KCNQ5: variants seen among roughly 807,000 people sequenced by gnomAD.
KCNQ5 encodes potassium voltage-gated channel subfamily KQT member 5.
Under a neutral mutation model 98.2 loss-of-function variants are expected in KCNQ5, and 30 were observed. The ratio of observed to expected loss-of-function variants is 0.31; its 90% CI spans 0.23 to 0.41. The LOEUF (loss-of-function observed/expected upper bound fraction) is 0.41. Ranked by LOEUF, KCNQ5 falls within the 10% of genes least tolerant of loss-of-function variation. KCNQ5 has a pLI of 1.00. For synonymous variants in KCNQ5, 458 were observed against 449.4 expected (o/e 1.02, Z -0.24); for missense variants, 835 against 1,182.5 (o/e 0.71, Z 4.31).
At chr6:73,073,294 TCTA>T (rs1403843211) in intron 3 of KCNQ5, among the ~76,000 whole-genome samples, 1 of 152,190 alleles carries the variant, frequency 6.6e-6, no homozygotes, top group Non-Finnish European at 1.5e-5. Context: ...TATAATATCA[TCTA>T]CTACATAGGT....
At chr6:73,097,357 C>T (rs1312458950) in intron 5 of KCNQ5, among the ~76,000 whole-genome samples, 3 of 151,762 alleles carry the variant, frequency 2.0e-5, no homozygotes, top group Non-Finnish European at 4.4e-5. Flanking sequence ...TGCAGATCAT[C>T]TCATGAGATG....
Position 73,192,698 on chromosome 6 carries a change from C to A in KCNQ5, c.1836+7C>A. Reference sequence around the variant, plus strand: ...GGTCAAGGTTGAAAAACAGGTACAACTCAACTACGCTGGGTATCTTTTTAG... The same window carrying A: ...GGTCAAGGTTGAAAAACAGGTACAAATCAACTACGCTGGGTATCTTTTTAG... On this transcript the variant is annotated splice_region_variant and intron_variant, in intron 13 of 13. Coordinates refer to ENST00000370398, the MANE Select transcript of KCNQ5 (RefSeq NM_019842.4). 1.3e-6 allele frequency: 2 copies of A among 1,571,268 alleles called. No homozygotes were observed. The highest frequency in any genetic ancestry group is 1.7e-6 in the Non-Finnish European group (2 of 1,160,152).
At chr6:72,853,001 A>G (rs1777348205) in intron 1 of KCNQ5, among the ~76,000 whole-genome samples, 1 of 152,116 alleles carries the variant, frequency 6.6e-6, no homozygotes, top group African/African-American at 2.4e-5. Flanking sequence ...ATACCATGGA[A>G]AATGGCAAAT....
intron 7 of KCNQ5, among the ~76,000 whole-genome samples, chr6:73,119,747 A>T (rs1175144067): frequency 6.6e-6 from 1 of 152,134 alleles, no homozygotes; most frequent in Non-Finnish European, 1.5e-5. Flanking sequence ...CTCCCTTATC[A>T]AATATTGATT....
At chr6:73,034,758 G>A (rs1391727704) in intron 2 of KCNQ5, among the ~76,000 whole-genome samples, 2 of 152,098 alleles carry the variant, frequency 1.3e-5, no homozygotes, top group East Asian at 3.9e-4. Flanking sequence ...TTAATGCCTG[G>A]AAAAGAGGGT....
intron 2 of KCNQ5, among the ~76,000 whole-genome samples, chr6:73,010,395 T>A (rs747523817): frequency 1.2e-3 from 186 of 152,090 alleles, no homozygotes; most frequent in Non-Finnish European, 9.1e-4. Context: ...ATGAAAAACC[T>A]ACAGCCAACA....
chr6:72,838,676 C>T (rs943375584), intron 1 of KCNQ5, among the ~76,000 whole-genome samples: 4 of 151,840 alleles, frequency 2.6e-5, no homozygotes, highest in African/African-American at 9.7e-5. Context: ...TGAGGCCGGG[C>T]GCGGTGGCTC....
rs533653995 is a variant in KCNQ5, at chr6:72,791,106, G to T, written c.398+168519G>T. Among the ~76,000 whole-genome samples, 3 of 152,282 alleles carry T rather than the reference G, an allele frequency of 2.0e-5. No homozygotes were observed. The South Asian group carries it at 6.2e-4, about 32-fold the overall frequency. ...AAAGTGGATGAGAATGGCTTCTTCCGTAGAGAAGCTGCGAGGCCTCTCGGG... is the reference window on the plus strand; with the variant it reads ...AAAGTGGATGAGAATGGCTTCTTCCTTAGAGAAGCTGCGAGGCCTCTCGGG... On this transcript the variant is annotated intron_variant, in intron 1 of 13. Transcript: ENST00000370398.
intron 1 of KCNQ5, among the ~76,000 whole-genome samples, chr6:72,859,138 A>G (rs762254236): frequency 1.4e-4 from 22 of 152,140 alleles, no homozygotes; most frequent in Non-Finnish European, 2.8e-4. Context: ...TCTTTCAAAA[A>G]CTCCAAGGCT....
At chr6:72,890,643 A>T (rs560843694) in intron 1 of KCNQ5, among the ~76,000 whole-genome samples, 3 of 152,206 alleles carry the variant, frequency 2.0e-5, no homozygotes, top group Non-Finnish European at 4.4e-5. Context: ...GATCAAAACC[A>T]TCTTGCCGAG....
At chr6:73,110,326 A>G (rs1416648945) in intron 6 of KCNQ5, among the ~76,000 whole-genome samples, 1 of 152,190 alleles carries the variant, frequency 6.6e-6, no homozygotes, top group Admixed American at 6.5e-5. Flanking sequence ...AAGCCCAGAG[A>G]CTGAATTTAG....
chr6:72,766,847 T>C (rs1465053220), intron 1 of KCNQ5, among the ~76,000 whole-genome samples: 3 of 151,988 alleles, frequency 2.0e-5, no homozygotes, highest in East Asian at 1.9e-4. Context: ...AAGTTGTATA[T>C]ATAAAGCTAG....
chr6:73,195,583 T>G lies in KCNQ5; in HGVS notation c.*169T>G, dbSNP rs1765765072. The G allele has an allele frequency of 4.7e-6, 4 of 851,580 alleles. No homozygotes were observed. Among genetic ancestry groups the G allele is most frequent in the Non-Finnish European group, 7.1e-6 (4 of 566,172 alleles). The allele number at this position is 851,580 out of a possible 1,614,324, so 52.8% of individuals were successfully genotyped here. ...TTGCATGAAAATGCATGTTTAGGGATGGCTAAAATTCCAAGGTGCATCGAC... is the reference window on the plus strand; with the variant it reads ...TTGCATGAAAATGCATGTTTAGGGAGGGCTAAAATTCCAAGGTGCATCGAC... On this transcript the variant is annotated 3_prime_UTR_variant, in exon 14 of 14. Coordinates refer to ENST00000370398, the MANE Select transcript of KCNQ5 (RefSeq NM_019842.4).
intron 1 of KCNQ5, among the ~76,000 whole-genome samples, chr6:72,625,321 C>A (rs1022872111): frequency 6.6e-6 from 1 of 152,178 alleles, no homozygotes; most frequent in African/African-American, 2.4e-5. Context: ...CAAATATTTT[C>A]CCTTAAACTT....
intron 3 of KCNQ5, among the ~76,000 whole-genome samples, chr6:73,052,460 A>G (rs1772287924): frequency 6.6e-6 from 1 of 152,206 alleles, no homozygotes; most frequent in Non-Finnish European, 1.5e-5. Context: ...GGTCAAAACA[A>G]AACAAAAAAT....
chr6:73,141,769 A>T (rs530369083), intron 10 of KCNQ5, among the ~76,000 whole-genome samples: 1 of 152,310 alleles, frequency 6.6e-6, no homozygotes, highest in South Asian at 2.1e-4. Context: ...ATTTTGTTTC[A>T]TCAGCAAAGT....
chr6:72,757,150 G>A (rs555657298), intron 1 of KCNQ5, among the ~76,000 whole-genome samples: 11 of 152,066 alleles, frequency 7.2e-5, no homozygotes, highest in Non-Finnish European at 1.3e-4. Context: ...AGACAAATGC[G>A]ATGGGCTGTA....
intron 1 of KCNQ5, among the ~76,000 whole-genome samples, chr6:72,940,090 G>T (rs920274803): frequency 3.3e-5 from 5 of 152,074 alleles, no homozygotes; most frequent in African/African-American, 1.2e-4. Context: ...TGAGGTTGTT[G>T]TATTCACAAC....
intron 3 of KCNQ5, among the ~76,000 whole-genome samples, chr6:73,044,617 C>G (rs1771879126): frequency 6.6e-6 from 1 of 152,180 alleles, no homozygotes; most frequent in South Asian, 2.1e-4. Flanking sequence ...TTCCTGAAGG[C>G]AGCAAGCTGT....
Sources: gnomAD v4.1 joint callset for allele counts (sites outside exome capture counted in the v4.1 genomes callset) on GRCh38, gnomAD v4.1.1 for gene constraint, MANE v1.5 for transcripts, NCBI Gene and HGNC (gene_info 2026-07-23, HGNC 2026-07-21) for gene names.